FGGY: variants seen among roughly 807,000 people sequenced by gnomAD.
FGGY encodes FGGY carbohydrate kinase domain-containing protein.
In FGGY, 72 loss-of-function variants were observed where a neutral mutation model predicts 71.3. That is an observed-to-expected ratio of 1.01 (90% CI 0.84 to 1.23). The LOEUF (loss-of-function observed/expected upper bound fraction) is 1.23. Ranked by LOEUF, FGGY falls within the 50% of genes most tolerant of loss-of-function variation. FGGY has a pLI of 0.00. For synonymous variants in FGGY, 251 were observed against 250.3 expected (o/e 1.00, Z -0.02); for missense variants, 668 against 682.3 (o/e 0.98, Z 0.23).
chr1:59,345,335 A>G lies in FGGY; in HGVS notation c.314-912A>G, dbSNP rs181284353. ...CGGGTATATTAATTGCTGTTCTGCA[A>G]CTTTTGCCATCAGAGGCATCAGAGG... On this transcript the variant is annotated intron_variant, in intron 3 of 15. Coordinates refer to ENST00000303721, the MANE Select transcript of FGGY (RefSeq NM_018291.5). 6.6e-4 allele frequency among the ~76,000 whole-genome samples: 101 copies of G among 152,290 alleles called. 1 individual carries two copies. Among genetic ancestry groups the G allele is most frequent in the African/African-American group, 2.1e-3 (89 of 41,556 alleles).
intron 11 of FGGY, among the ~76,000 whole-genome samples, chr1:59,656,570 G>A (rs752048276): frequency 5.3e-5 from 8 of 152,164 alleles, no homozygotes; most frequent in Non-Finnish European, 1.0e-4. Context: ...AGGAAACAAG[G>A]ACCTCAGACC....
At chr1:59,693,141 A>C (rs1280312876) in intron 14 of FGGY, among the ~76,000 whole-genome samples, 1 of 152,264 alleles carries the variant, frequency 6.6e-6, no homozygotes, top group Non-Finnish European at 1.5e-5. Context: ...AAGATGTGGA[A>C]GTGCTTAGTA....
chr1:59,687,965 A>G (rs1213955793), intron 14 of FGGY, among the ~76,000 whole-genome samples: 1 of 152,174 alleles, frequency 6.6e-6, no homozygotes, highest in Admixed American at 6.5e-5. Flanking sequence ...AGCCAAGCCA[A>G]CTGGAGAAGG....
At chr1:59,665,702 G>A (rs1460557380) in intron 12 of FGGY, among the ~76,000 whole-genome samples, 1 of 150,864 alleles carries the variant, frequency 6.6e-6, no homozygotes, top group Non-Finnish European at 1.5e-5. Context: ...GAGATGGAGT[G>A]TTGCTCTATT....
At chr1:59,375,194 A>C (rs139290248) in intron 4 of FGGY, among the ~76,000 whole-genome samples, 3,744 of 143,772 alleles carry the variant, frequency 0.026, 174 homozygotes, top group African/African-American at 0.091. Flanking sequence ...CGGGGTGCAG[A>C]GGTTGCAGTG....
At chr1:59,577,528 T>G (rs2096103210) in intron 8 of FGGY, among the ~76,000 whole-genome samples, 1 of 151,828 alleles carries the variant, frequency 6.6e-6, no homozygotes, top group African/African-American at 2.4e-5. Flanking sequence ...TTGGGTATAG[T>G]GGTAAACTTA....
At chr1:59,527,360 A>G (rs1216821432) in intron 7 of FGGY, among the ~76,000 whole-genome samples, 2 of 152,228 alleles carry the variant, frequency 1.3e-5, no homozygotes, top group Admixed American at 1.3e-4. Context: ...ATAGTTGCAC[A>G]GGAAACTGTA....
chr1:59,546,007 A>T (rs975544843), intron 7 of FGGY, among the ~76,000 whole-genome samples: 1 of 152,214 alleles, frequency 6.6e-6, no homozygotes, highest in East Asian at 1.9e-4. Context: ...AGATGTTCCA[A>T]TCAATCTAAG....
At chr1:59,422,415 T>A (rs2065601027) in intron 5 of FGGY, among the ~76,000 whole-genome samples, 1 of 152,178 alleles carries the variant, frequency 6.6e-6, no homozygotes, top group Non-Finnish European at 1.5e-5. Context: ...CTTGCTGGGC[T>A]GGGCGTGGTG....
At chr1:59,372,042 G>A (rs6703359) in intron 4 of FGGY, among the ~76,000 whole-genome samples, 49,057 of 151,730 alleles carry the variant, frequency 0.32, 8,298 homozygotes, top group East Asian at 0.42. Flanking sequence ...AGCAGAAGGC[G>A]AGAAATAACT....
chr1:59,402,528 A>T (rs2062106281), intron 5 of FGGY, among the ~76,000 whole-genome samples: 1 of 152,338 alleles, frequency 6.6e-6, no homozygotes. Flanking sequence ...TGTTGAATGG[A>T]TTAATTAATA....
intron 4 of FGGY, among the ~76,000 whole-genome samples, chr1:59,371,681 A>T (rs1360181184): frequency 6.6e-6 from 1 of 152,222 alleles, no homozygotes; most frequent in Non-Finnish European, 1.5e-5. Context: ...CAGCAAATGT[A>T]AAAGAACAGA....
At chr1:59,687,013 A>G (rs12027119) in intron 14 of FGGY, among the ~76,000 whole-genome samples, 85,984 of 152,104 alleles carry the variant, frequency 0.57, 25,800 homozygotes, top group Non-Finnish European at 0.68. Flanking sequence ...CACATGCTGT[A>G]TTAATGCTTT....
At chr1:59,658,407 G>A (rs2097242043) in intron 11 of FGGY, among the ~76,000 whole-genome samples, 2 of 152,104 alleles carry the variant, frequency 1.3e-5, no homozygotes, top group South Asian at 4.1e-4. Flanking sequence ...CCATCTTCTT[G>A]TGTATTAAAA....
intron 5 of FGGY, chr1:59,393,114 A>G (rs1447050459): frequency 2.6e-5 from 4 of 152,366 alleles, no homozygotes; most frequent in Non-Finnish European, 5.9e-5. Context: ...TCCAAATGCC[A>G]TTCAAACCTA....
intron 5 of FGGY, among the ~76,000 whole-genome samples, chr1:59,411,496 T>A (rs2063593146): frequency 6.6e-6 from 1 of 152,240 alleles, no homozygotes; most frequent in Non-Finnish European, 1.5e-5. Context: ...TATAATATCA[T>A]GCTTCTTATA....
At chr1:59,320,942 C>A (rs1011868151) in intron 1 of FGGY, among the ~76,000 whole-genome samples, 8 of 152,130 alleles carry the variant, frequency 5.3e-5, no homozygotes, top group Non-Finnish European at 1.0e-4. Flanking sequence ...TATGAGTAGA[C>A]CTAGCTAGCA....
intron 9 of FGGY, among the ~76,000 whole-genome samples, chr1:59,612,440 A>G (rs989079978): frequency 4.6e-5 from 7 of 152,214 alleles, no homozygotes; most frequent in Non-Finnish European, 8.8e-5. Context: ...ACAGACAAGC[A>G]AATACTGAGA....
chr1:59,653,620 G>T (rs1257414095), intron 11 of FGGY, among the ~76,000 whole-genome samples: 1 of 152,204 alleles, frequency 6.6e-6, no homozygotes, highest in Non-Finnish European at 1.5e-5. Context: ...CTTGCGCATG[G>T]TGCTTGCACC....
Sources: gnomAD v4.1 joint callset for allele counts (sites outside exome capture counted in the v4.1 genomes callset) on GRCh38, gnomAD v4.1.1 for gene constraint, MANE v1.5 for transcripts, NCBI Gene and HGNC (gene_info 2026-07-23, HGNC 2026-07-21) for gene names.